Variants in SLC25A26 observed in about 807,000 individuals in gnomAD.
SLC25A26 encodes the protein solute carrier family 25 member 26.
A neutral mutation model predicts 37.8 loss-of-function variants in SLC25A26; 36 were observed. The ratio of observed to expected loss-of-function variants is 0.95; its 90% CI spans 0.73 to 1.26. The LOEUF is 1.26. SLC25A26 is among the 50% of genes most tolerant of loss of function. The pLI is 0.00. For missense variants in SLC25A26, 390 were observed against 331.1 expected (o/e 1.18, Z -1.38); for synonymous variants, 129 against 122.5 (o/e 1.05, Z -0.35).
chr3:66,226,894 A>C (rs781786180), intron 1 of SLC25A26, among the ~76,000 whole-genome samples: 4 of 152,226 alleles, frequency 2.6e-5, no homozygotes, highest in Non-Finnish European at 4.4e-5. Flanking sequence ...ATATAGGGGA[A>C]AAATTGCAAA....
chr3:66,370,662 T>C (rs1575621104), intron 9 of SLC25A26, 60 bp downstream of exon 9: 1 of 1,344,754 alleles, frequency 7.4e-7, no homozygotes. Flanking sequence ...TCCTTTAGCC[T>C]AACTTTGGAT....
intron 5 of SLC25A26, among the ~76,000 whole-genome samples, chr3:66,298,923 A>T (rs1300786985): frequency 6.6e-6 from 1 of 152,198 alleles, no homozygotes; most frequent in Non-Finnish European, 1.5e-5. Flanking sequence ...CCCAAGTTAC[A>T]TAGAAACAGT....
intron 5 of SLC25A26, among the ~76,000 whole-genome samples, chr3:66,263,749 C>G (rs866427910): frequency 1.3e-5 from 2 of 152,106 alleles, no homozygotes; most frequent in Non-Finnish European, 2.9e-5. Flanking sequence ...ACCTCCGCCT[C>G]CCAGGTTCAC....
chr3:66,191,119 A>G (rs1275806613), intron 1 of SLC25A26, among the ~76,000 whole-genome samples: 2 of 152,204 alleles, frequency 1.3e-5, no homozygotes, highest in African/African-American at 4.8e-5. Context: ...AGTATGTGTC[A>G]TTCATTGCAA....
chr3:66,367,407 G>A (rs911379319), intron 7 of SLC25A26, among the ~76,000 whole-genome samples: 1 of 152,114 alleles, frequency 6.6e-6, no homozygotes, highest in Non-Finnish European at 1.5e-5. Context: ...TTCCTCACCT[G>A]TAGCATGGGG....
intron 5 of SLC25A26, among the ~76,000 whole-genome samples, chr3:66,340,337 A>G (rs1168727375): frequency 6.6e-6 from 1 of 151,844 alleles, no homozygotes; most frequent in Non-Finnish European, 1.5e-5. Flanking sequence ...TGGATTTTGG[A>G]TTTTTCTATT....
intron 1 of SLC25A26, among the ~76,000 whole-genome samples, chr3:66,172,410 G>GAAA (rs1199322248): frequency 2.4e-4 from 18 of 75,178 alleles, no homozygotes; most frequent in South Asian, 6.0e-4. Flanking sequence ...TACCTGTAAA[G>GAAA]AAAAAAAAAA....
chr3:66,354,287 T>G (rs189667226), intron 6 of SLC25A26, among the ~76,000 whole-genome samples: 156 of 152,238 alleles, frequency 1.0e-3, no homozygotes, highest in African/African-American at 3.5e-3. Context: ...AATAGCTAGA[T>G]GAGATGTAAT....
chr3:66,210,309 ATATGATGC>A (rs1418963140), intron 1 of SLC25A26, among the ~76,000 whole-genome samples: 2 of 152,014 alleles, frequency 1.3e-5, no homozygotes, highest in African/African-American at 4.8e-5. Context: ...TGGGGAAAAA[ATATGATGC>A]TATGGGACAA....
chr3:66,250,626 G>C (rs1238892726), intron 3 of SLC25A26, among the ~76,000 whole-genome samples: 2 of 95,904 alleles, frequency 2.1e-5, no homozygotes, highest in Admixed American at 1.1e-4. Flanking sequence ...CCGTAGGTTG[G>C]GGGGTATCAC....
At chr3:66,307,447 G>A (rs1380168096) in intron 5 of SLC25A26, among the ~76,000 whole-genome samples, 1 of 152,056 alleles carries the variant, frequency 6.6e-6, no homozygotes, top group Non-Finnish European at 1.5e-5. Flanking sequence ...CTCCCATTCT[G>A]TAGGTTGCCT....
chr3:66,376,997 A>C (rs965056172), intron 9 of SLC25A26, among the ~76,000 whole-genome samples: 2 of 152,176 alleles, frequency 1.3e-5, no homozygotes, highest in East Asian at 3.9e-4. Flanking sequence ...GCCATAACTT[A>C]TATCACCATC....
At chr3:66,214,680 G>A (rs2071334280) in intron 1 of SLC25A26, among the ~76,000 whole-genome samples, 1 of 151,874 alleles carries the variant, frequency 6.6e-6, no homozygotes, top group African/African-American at 2.4e-5. Flanking sequence ...TGAGTTATGG[G>A]AACTATTTAC....
At chr3:66,268,394 C>T (rs2107332898) in intron 5 of SLC25A26, among the ~76,000 whole-genome samples, 1 of 152,314 alleles carries the variant, frequency 6.6e-6, no homozygotes, top group East Asian at 1.9e-4. Flanking sequence ...TTTTCCCCTG[C>T]CTCACCTATG....
intron 5 of SLC25A26, among the ~76,000 whole-genome samples, chr3:66,305,959 C>T (rs1010073131): frequency 1.3e-5 from 2 of 152,042 alleles, no homozygotes; most frequent in African/African-American, 4.8e-5. Flanking sequence ...ACCTCGCCAG[C>T]ATCTATTGTT....
intron 3 of SLC25A26, among the ~76,000 whole-genome samples, chr3:66,259,933 C>T (rs1433888139): frequency 4.6e-5 from 7 of 152,152 alleles, no homozygotes; most frequent in South Asian, 2.1e-4. Context: ...TTTGGTAATA[C>T]GGAATGGTGT....
intron 5 of SLC25A26, among the ~76,000 whole-genome samples, chr3:66,332,099 G>A (rs2107683045): frequency 6.6e-6 from 1 of 151,934 alleles, no homozygotes; most frequent in East Asian, 1.9e-4. Context: ...AAATTAGCCT[G>A]GCTAATTTTT....
At chr3:66,228,480 A>C (rs142302069) in intron 1 of SLC25A26, among the ~76,000 whole-genome samples, 1 of 152,174 alleles carries the variant, frequency 6.6e-6, no homozygotes, top group South Asian at 2.1e-4. Context: ...ATTCCAAATA[A>C]AGGAAAGATA....
intron 6 of SLC25A26, chr3:66,356,117 A>G: frequency 4.4e-6 from 2 of 456,050 alleles, no homozygotes; most frequent in South Asian, 3.1e-5. Flanking sequence ...CAAAACAGTT[A>G]TTTTCAGTGT....
Sources: gnomAD v4.1 joint callset for allele counts (sites outside exome capture counted in the v4.1 genomes callset) on GRCh38, gnomAD v4.1.1 for gene constraint, MANE v1.5 for transcripts, NCBI Gene and HGNC (gene_info 2026-07-23, HGNC 2026-07-21) for gene names.